MACROD2: variants seen among roughly 807,000 people sequenced by gnomAD.
MACROD2 encodes the protein ADP-ribose glycohydrolase MACROD2.
A neutral mutation model predicts 70.4 loss-of-function variants in MACROD2; 36 were observed. That is an observed-to-expected ratio of 0.51 (90% CI 0.39 to 0.68). MACROD2 has a LOEUF of 0.68. Among genes scored for constraint, MACROD2 ranks in the 30% least tolerant of loss-of-function variants. MACROD2 has a pLI of 0.00. For synonymous variants in MACROD2, 172 were observed against 178.8 expected (o/e 0.96, Z 0.30); for missense variants, 496 against 538.4 (o/e 0.92, Z 0.78).
At chr20:15,476,577 C>A (rs866321202) in intron 7 of MACROD2, among the ~76,000 whole-genome samples, 10 of 151,970 alleles carry the variant, frequency 6.6e-5, no homozygotes, top group Non-Finnish European at 1.0e-4. Context: ...TTTGCCCCCC[C>A]CCGGTAAGTC....
rs528611073 is a variant in MACROD2 at position 14,011,935 on chromosome 20, G to A, written c.163+9531G>A. On this transcript the variant is annotated intron_variant, in intron 2 of 17. Transcript: ENST00000684519. ...ACTTTTCTTTTTTTTTAAAGGCAGA[G>A]TCTCGCTCTGTCGCCCAGGCTGGGG... is the stretch of plus-strand genomic sequence containing the variant. 3.3e-5 allele frequency among the ~76,000 whole-genome samples: 5 copies of A among 151,002 alleles called. No homozygotes were observed. In the South Asian group the frequency reaches 1.1e-3, roughly 32 times the overall value.
chr20:15,620,324 G>T (rs2146728154), intron 8 of MACROD2, among the ~76,000 whole-genome samples: 1 of 152,282 alleles, frequency 6.6e-6, no homozygotes, highest in South Asian at 2.1e-4. Context: ...AGGGTCTGGG[G>T]CCATCAAAGA....
At chr20:15,872,831 C>T (rs940555210) in intron 9 of MACROD2, among the ~76,000 whole-genome samples, 11 of 152,110 alleles carry the variant, frequency 7.2e-5, no homozygotes, top group Non-Finnish European at 1.0e-4. Flanking sequence ...CATTTTGTTG[C>T]TTATCCTTCT....
At chr20:14,779,717 TTAAAATAACTTACTAA>T (rs2072276535) in intron 5 of MACROD2, among the ~76,000 whole-genome samples, 1 of 152,138 alleles carries the variant, frequency 6.6e-6, no homozygotes, top group Admixed American at 6.5e-5. Context: ...ATAATAGGTT[TTAAAATAACTTACTAA>T]TCTTTATATT....
At chr20:14,500,374 A>G (rs1431858360) in intron 4 of MACROD2, among the ~76,000 whole-genome samples, 1 of 152,172 alleles carries the variant, frequency 6.6e-6, no homozygotes, top group East Asian at 1.9e-4. Flanking sequence ...TTCTCTTGTG[A>G]TTACCTCACC....
intron 15 of MACROD2, among the ~76,000 whole-genome samples, chr20:16,002,598 A>G (rs1213942038): frequency 6.6e-6 from 1 of 152,184 alleles, no homozygotes; most frequent in Non-Finnish European, 1.5e-5. Context: ...GGAGGCGATG[A>G]AACAAGGAAT....
intron 4 of MACROD2, among the ~76,000 whole-genome samples, chr20:14,510,441 C>A (rs942532705): frequency 5.9e-5 from 9 of 152,004 alleles, no homozygotes; most frequent in African/African-American, 2.2e-4. Context: ...TTTGTCTTTA[C>A]CTCACTTTCA....
At chr20:14,347,076 T>G (rs922658493) in intron 3 of MACROD2, among the ~76,000 whole-genome samples, 2 of 152,190 alleles carry the variant, frequency 1.3e-5, no homozygotes. Context: ...CAATGTGCTC[T>G]AGATCACAAA....
chr20:15,393,708 A>G (rs781096813), intron 6 of MACROD2, among the ~76,000 whole-genome samples: 2 of 152,196 alleles, frequency 1.3e-5, no homozygotes, highest in Admixed American at 1.3e-4. Flanking sequence ...TAGATACATA[A>G]TAAAGTAAAA....
At chr20:14,830,832 TTTTG>T (rs2072956388) in intron 5 of MACROD2, among the ~76,000 whole-genome samples, 1 of 152,188 alleles carries the variant, frequency 6.6e-6, no homozygotes, top group Admixed American at 6.5e-5. Flanking sequence ...CAAATATTTA[TTTTG>T]TTAAATCAGA....
chr20:15,322,872 C>G, intron 6 of MACROD2, among the ~76,000 whole-genome samples: 1 of 143,562 alleles, frequency 7.0e-6, no homozygotes, highest in Non-Finnish European at 1.6e-5. Flanking sequence ...ATCCATGAAT[C>G]CATATTTGGA....
At chr20:15,345,351 A>G (rs1406992542) in intron 6 of MACROD2, among the ~76,000 whole-genome samples, 1 of 152,222 alleles carries the variant, frequency 6.6e-6, no homozygotes, top group Non-Finnish European at 1.5e-5. Context: ...CAGTGAACAA[A>G]ATAGACAATG....
At chr20:15,331,816 A>G (rs2077995599) in intron 6 of MACROD2, among the ~76,000 whole-genome samples, 1 of 151,618 alleles carries the variant, frequency 6.6e-6, no homozygotes, top group African/African-American at 2.4e-5. Context: ...ATACACACAC[A>G]TGCACACACA....
chr20:14,847,239 GAA>G (rs1740689047), intron 5 of MACROD2, among the ~76,000 whole-genome samples: 1 of 152,144 alleles, frequency 6.6e-6, no homozygotes, highest in African/African-American at 2.4e-5. Context: ...ATGAGTTTAG[GAA>G]CGTGCTGCCA....
At chr20:15,835,079 A>G (rs2064098432) in intron 8 of MACROD2, among the ~76,000 whole-genome samples, 4 of 152,230 alleles carry the variant, frequency 2.6e-5, no homozygotes. Context: ...GAGAGGATCC[A>G]GGGCCTCCTG....
intron 15 of MACROD2, among the ~76,000 whole-genome samples, chr20:16,032,792 AAGGG>A (rs149529114): frequency 0.042 from 5,552 of 131,254 alleles, 138 homozygotes; most frequent in Middle Eastern, 0.081. Context: ...GAAGGGCAGG[AAGGG>A]AGGGAGGGAG....
intron 5 of MACROD2, among the ~76,000 whole-genome samples, chr20:14,828,083 A>C (rs2072922975): frequency 2.0e-5 from 3 of 152,084 alleles, no homozygotes; most frequent in Non-Finnish European, 4.4e-5. Flanking sequence ...ATACCAATTA[A>C]AGGTAAGCCC....
intron 8 of MACROD2, among the ~76,000 whole-genome samples, chr20:15,521,073 G>T (rs574023873): frequency 1.3e-5 from 2 of 152,296 alleles, no homozygotes; most frequent in Non-Finnish European, 2.9e-5. Flanking sequence ...TGTGCTTTGT[G>T]GATAGGCCTG....
intron 4 of MACROD2, among the ~76,000 whole-genome samples, chr20:14,555,468 G>A (rs2123275695): frequency 6.6e-6 from 1 of 152,010 alleles, no homozygotes; most frequent in South Asian, 2.1e-4. Flanking sequence ...TCTGAGCCAG[G>A]TACTGGCTCT....
Sources: gnomAD v4.1 joint callset for allele counts (sites outside exome capture counted in the v4.1 genomes callset) on GRCh38, gnomAD v4.1.1 for gene constraint, MANE v1.5 for transcripts, NCBI Gene and HGNC (gene_info 2026-07-23, HGNC 2026-07-21) for gene names.